DORIP1: variants seen among roughly 807,000 people sequenced by gnomAD.
The protein encoded by DORIP1 is dopamine receptor-interacting protein 1.
At chr14:44,901,300 T>C in the DORIP1 span, among the ~76,000 whole-genome samples, 7 of 152,204 alleles carry the variant, frequency 4.6e-5, no homozygotes, top group Non-Finnish European at 1.0e-4. Flanking sequence ...TATGAAATCA[T>C]CTAAGGATAC....
At chr14:44,905,752 A>G in the DORIP1 span, 1 of 339,714 alleles carries the variant, frequency 2.9e-6, no homozygotes. Flanking sequence ...ATATTTCCTG[A>G]GTTATTTTTA....
At chr14:44,898,895 TACAC>T in the DORIP1 span, 1 of 152,226 alleles carries the variant, frequency 6.6e-6, no homozygotes, top group Non-Finnish European at 1.5e-5. Context: ...CTTAGTTTCT[TACAC>T]AAATAAAACA....
the DORIP1 span, chr14:44,900,798 A>C: frequency 3.7e-6 from 6 of 1,614,014 alleles, no homozygotes; most frequent in Non-Finnish European, 2.5e-6. Context: ...ACAAATCTGA[A>C]GTCCATAAAG....
At chr14:44,900,883 A>G in the DORIP1 span, 4 of 1,613,934 alleles carry the variant, frequency 2.5e-6, no homozygotes, top group East Asian at 6.7e-5. Flanking sequence ...CATGTCTACC[A>G]TTCAAGAGAG....
the DORIP1 span, among the ~76,000 whole-genome samples, chr14:44,902,335 T>A: frequency 1.3e-5 from 2 of 152,108 alleles, no homozygotes; most frequent in Non-Finnish European, 2.9e-5. Flanking sequence ...TTATTTATTT[T>A]TTTATTTTTT....
chr14:44,901,448 A>T, the DORIP1 span, among the ~76,000 whole-genome samples: 3 of 152,258 alleles, frequency 2.0e-5, no homozygotes, highest in Non-Finnish European at 4.4e-5. Context: ...CCCTGAAAAC[A>T]GTGTTACAGC....
chr14:44,902,965 A>G, the DORIP1 span, among the ~76,000 whole-genome samples: 10,013 of 152,180 alleles, frequency 0.066, 832 homozygotes, highest in African/African-American at 0.2. Flanking sequence ...TTAAATTATC[A>G]TAGCAGCAAC....
At chr14:44,902,858 A>C in the DORIP1 span, among the ~76,000 whole-genome samples, 1 of 152,166 alleles carries the variant, frequency 6.6e-6, no homozygotes, top group African/African-American at 2.4e-5. Flanking sequence ...TATTACTTAC[A>C]TTTAATCAGG....
At chr14:44,897,829 C>A in the DORIP1 span, among the ~76,000 whole-genome samples, 73 of 152,322 alleles carry the variant, frequency 4.8e-4, no homozygotes, top group African/African-American at 1.6e-3. Context: ...GCACGCCTAG[C>A]GTCCGCCTTG....
the DORIP1 span, among the ~76,000 whole-genome samples, chr14:44,899,657 G>T: frequency 1.4e-3 from 209 of 151,104 alleles, 1 homozygote; most frequent in Middle Eastern, 0.024. Context: ...CTATTATTCT[G>T]TACCCCCAAT....
At chr14:44,904,581 C>G in the DORIP1 span, 9 of 1,491,386 alleles carry the variant, frequency 6.0e-6, no homozygotes, top group Admixed American at 1.8e-4. Context: ...AAAATTTATC[C>G]TGTTATATTA....
the DORIP1 span, chr14:44,905,126 G>C: frequency 3.1e-6 from 1 of 323,518 alleles, no homozygotes; most frequent in African/African-American, 2.1e-5. Context: ...GTTTTCTTAC[G>C]TGTTTACTCT....
the DORIP1 span, among the ~76,000 whole-genome samples, chr14:44,898,733 A>C: frequency 1.3e-5 from 2 of 152,202 alleles, no homozygotes; most frequent in Admixed American, 1.3e-4. Context: ...TGTGTTGGCC[A>C]ACTAGATATA....
chr14:44,897,502 G>A, the DORIP1 span: 2 of 205,358 alleles, frequency 9.7e-6, no homozygotes, highest in Middle Eastern at 2.0e-3. Context: ...GGCAGCCCGG[G>A]CTCTCCATGA....
chr14:44,906,182 T>C, the DORIP1 span: 2 of 151,838 alleles, frequency 1.3e-5, no homozygotes, highest in African/African-American at 4.8e-5. Context: ...TAAAGTATTA[T>C]AAACCTGCCA....
the DORIP1 span, chr14:44,901,103 A>T: frequency 1.3e-6 from 1 of 770,584 alleles, no homozygotes; most frequent in Non-Finnish European, 2.0e-6. Context: ...CTGTATATTT[A>T]GTATACCTTT....
the DORIP1 span, chr14:44,906,382 T>G: frequency 6.6e-6 from 1 of 152,118 alleles, no homozygotes. Context: ...GCAATAGAAA[T>G]GCACTTTAAA....
At chr14:44,899,611 ATATG>A in the DORIP1 span, among the ~76,000 whole-genome samples, 10 of 152,028 alleles carry the variant, frequency 6.6e-5, no homozygotes, top group Admixed American at 6.6e-4. Flanking sequence ...AACAAATAAA[ATATG>A]TAGTATAGTT....
At chr14:44,899,150 T>C in the DORIP1 span, 2 of 152,332 alleles carry the variant, frequency 1.3e-5, no homozygotes, top group Admixed American at 6.5e-5. Context: ...TCAATACAAT[T>C]GTAAAAAGAA....
Sources: allele counts gnomAD v4.1 joint callset (sites outside exome capture counted in the v4.1 genomes callset), GRCh38; gene constraint gnomAD v4.1.1; transcripts MANE v1.5; gene names NCBI Gene and HGNC (gene_info 2026-07-23, HGNC 2026-07-21).